Variants in CPAMD8 observed in about 807,000 individuals in gnomAD.
The protein encoded by CPAMD8 is C3 and PZP-like alpha-2-macroglobulin domain-containing protein 8.
CPAMD8 carries 146 observed loss-of-function variants against 224.7 expected under a neutral mutation model. The ratio of observed to expected loss-of-function variants is 0.65; its 90% confidence interval spans 0.57 to 0.75. CPAMD8 has a LOEUF of 0.75. CPAMD8 is among the 30% of genes least tolerant of loss of function. CPAMD8 has a pLI of 0.00. For synonymous variants in CPAMD8, 966 were observed against 1,044.6 expected, an observed-to-expected ratio of 0.92 and a Z score of 1.45; for missense variants, 2,301 against 2,537.5, an observed-to-expected ratio of 0.91 and a Z score of 2.00.
intron 13 of CPAMD8, among the ~76,000 whole-genome samples, chr19:16,981,022 G>A (rs2055494912): frequency 7.3e-6 from 1 of 137,508 alleles, no homozygotes. Context: ...TAGTAGAAAC[G>A]GAGTTTCACC....
chr19:16,975,139 C>A lies in CPAMD8; in HGVS notation c.2028G>T (p.Pro676=). The A allele has an allele frequency of 6.2e-7, 1 of 1,612,962 alleles. No homozygotes were observed. Among genetic ancestry groups the A allele is most frequent in the Non-Finnish European group, 8.5e-7 (1 of 1,179,692 alleles). The part of the protein sequence containing the change: ...AQRRRRSSVF[P]WPWGITKDSG... ...AGTCCTTGGTGATGCCCCAAGGCCA[C>A]GGGAAGACAGAGGAGCGCCGGCGTC... is the stretch of plus-strand genomic sequence containing the variant. The change falls in exon 17 of 42, where the codon CCG becomes CCT. Residue 676 remains proline (P), a synonymous_variant. Coordinates refer to ENST00000443236, the MANE Select transcript of CPAMD8 (RefSeq NM_015692.5).
intron 19 of CPAMD8, among the ~76,000 whole-genome samples, chr19:16,953,527 C>T (rs1052223528): frequency 2.6e-5 from 4 of 151,734 alleles, no homozygotes; most frequent in African/African-American, 7.3e-5. Context: ...CAGCAAGACC[C>T]TATCTTTACA....
chr19:16,995,642 C>T (rs2056099339), intron 11 of CPAMD8, among the ~76,000 whole-genome samples: 1 of 152,154 alleles, frequency 6.6e-6, no homozygotes, highest in Non-Finnish European at 1.5e-5. Flanking sequence ...CTCAGGTCAT[C>T]CGCCCACCTG....
At chr19:16,943,011 C>CTTTTTTT (rs770885168) in intron 22 of CPAMD8, among the ~76,000 whole-genome samples, 13 of 79,422 alleles carry the variant, frequency 1.6e-4, no homozygotes, top group East Asian at 2.4e-4. Flanking sequence ...TTTCTTTTTT[C>CTTTTTTT]TTTTTTTTTT....
intron 12 of CPAMD8, among the ~76,000 whole-genome samples, chr19:16,992,918 G>A (rs571682970): frequency 6.0e-5 from 9 of 151,226 alleles, no homozygotes; most frequent in South Asian, 2.1e-4. Flanking sequence ...GCAACAGAGC[G>A]AGACCCTGTC....
intron 6 of CPAMD8, 61 bp from the exon 7 acceptor site, chr19:17,008,620 C>A (rs2056559267): frequency 1.3e-6 from 2 of 1,556,338 alleles, no homozygotes; most frequent in Admixed American, 1.7e-5. Flanking sequence ...AGCATGTGCC[C>A]AATGTAAGGA....
chr19:16,938,017 C>T (rs1396179644), intron 23 of CPAMD8, among the ~76,000 whole-genome samples: 1 of 152,174 alleles, frequency 6.6e-6, no homozygotes, highest in Non-Finnish European at 1.5e-5. Flanking sequence ...AAACTCCTGA[C>T]TTCAAATGAT....
At chr19:16,907,307 CTT>C (rs71334641) in intron 29 of CPAMD8, among the ~76,000 whole-genome samples, 190 bp from the exon 30 acceptor site, 54 of 81,078 alleles carry the variant, frequency 6.7e-4, no homozygotes, top group African/African-American at 2.4e-3. Context: ...TCTTTCTTGC[CTT>C]TTTTTTTTTT....
Position 16,945,542 on chromosome 19 carries a change from G to T in CPAMD8, c.2793+7C>A. On this transcript the variant is annotated splice_region_variant and intron_variant, in intron 22 of 41. Coordinates refer to ENST00000443236, the MANE Select transcript of CPAMD8 (RefSeq NM_015692.5). ...GCTAAGCACCAGAGATGAGGACACG[G>T]CCTTACCTCAACCATCACACTGCGC... 1 of 1,613,758 alleles carries T rather than the reference G, an allele frequency of 6.2e-7. No homozygotes were observed. The highest frequency in any genetic ancestry group is 1.7e-4 in the Middle Eastern group (1 of 6,054).
Position 16,893,332 on chromosome 19 carries a change from C to T in CPAMD8, c.5434G>A (p.Ala1812Thr). ...PEGEAEDRVTAGPRPPVSSGN... is the reference protein window; with the variant it reads ...PEGEAEDRVTTGPRPPVSSGN... ...CTGCTCACAGGAGGCCGAGGCCCGG[C>T]TGTGACCCTGGAGATGAGGTTTTAT... Residue 1812 changes from alanine (A) to threonine (T), a missense_variant, in exon 42 of 42, where the codon GCC (alanine) becomes ACC (threonine). Transcript: ENST00000443236. The T allele has an allele frequency of 6.5e-7, 1 of 1,529,598 alleles. No homozygotes were observed. The allele number at this position is 1,529,598 out of a possible 1,614,324, so 94.8% of individuals were successfully genotyped here. A position where few individuals can be genotyped will look rare whatever the true frequency, so the allele number is the denominator to read the frequency against.
At chr19:16,968,545 G>C (rs1241300270) in intron 18 of CPAMD8, among the ~76,000 whole-genome samples, 1 of 152,178 alleles carries the variant, frequency 6.6e-6, no homozygotes, top group Non-Finnish European at 1.5e-5. Flanking sequence ...AGCAATACTG[G>C]AAATACTTCA....
intron 9 of CPAMD8, among the ~76,000 whole-genome samples, chr19:17,001,621 T>C (rs2056326676): frequency 6.6e-6 from 1 of 151,764 alleles, no homozygotes; most frequent in Admixed American, 6.6e-5. Context: ...GACACCAGCA[T>C]GGAAACAAAG....
At chr19:16,913,724 G>A (rs1404852585) in intron 29 of CPAMD8, among the ~76,000 whole-genome samples, 6 of 152,144 alleles carry the variant, frequency 3.9e-5, no homozygotes, top group Non-Finnish European at 5.9e-5. Context: ...CATTGTGCAT[G>A]GTGGGGGCGG....
At chr19:16,905,404 A>T (rs1443661886) in intron 30 of CPAMD8, among the ~76,000 whole-genome samples, 3 of 151,150 alleles carry the variant, frequency 2.0e-5, no homozygotes, top group Non-Finnish European at 4.4e-5. Flanking sequence ...ACATGGAGAA[A>T]CTCATCTCTA....
At chr19:16,949,928 T>C (rs1375621429) in intron 20 of CPAMD8, among the ~76,000 whole-genome samples, 2 of 152,190 alleles carry the variant, frequency 1.3e-5, no homozygotes, top group Admixed American at 1.3e-4. Flanking sequence ...CCCATGACAA[T>C]GCTTCTTTGA....
At chr19:16,969,873 C>CA (rs768905816) in intron 18 of CPAMD8, among the ~76,000 whole-genome samples, 1,525 of 69,586 alleles carry the variant, frequency 0.022, 72 homozygotes, top group African/African-American at 0.068. Flanking sequence ...GGCTCCATCT[C>CA]AAAAAAAAAA....
At chr19:16,907,307 C>CTTTTTTTTTTTT (rs71334641) in intron 29 of CPAMD8, among the ~76,000 whole-genome samples, 190 bp from the exon 30 acceptor site, 3 of 81,074 alleles carry the variant, frequency 3.7e-5, no homozygotes, top group African/African-American at 5.3e-5. Context: ...TCTTTCTTGC[C>CTTTTTTTTTTTT]TTTTTTTTTT....
At chr19:16,966,651 A>G (rs1475947436) in intron 18 of CPAMD8, among the ~76,000 whole-genome samples, 1 of 152,206 alleles carries the variant, frequency 6.6e-6, no homozygotes, top group African/African-American at 2.4e-5. Flanking sequence ...TACAAGAAAA[A>G]AACAAACAAC....
At chr19:17,018,408 G>A (rs1320130424) in intron 3 of CPAMD8, among the ~76,000 whole-genome samples, 4 of 152,082 alleles carry the variant, frequency 2.6e-5, no homozygotes, top group African/African-American at 7.2e-5. Flanking sequence ...TACTGCAGGT[G>A]GTTCCATGAA....
Sources: gnomAD v4.1 joint callset for allele counts (sites outside exome capture counted in the v4.1 genomes callset) on GRCh38, gnomAD v4.1.1 for gene constraint, MANE v1.5 for transcripts, NCBI Gene and HGNC (gene_info 2026-07-23, HGNC 2026-07-21) for gene names.